TENM1: variants seen among roughly 807,000 people sequenced by gnomAD.
TENM1 encodes teneurin-1.
A neutral mutation model predicts 174.8 loss-of-function variants in TENM1; 35 were observed. That is an observed-to-expected ratio of 0.20 (90% CI 0.15 to 0.27). The LOEUF (loss-of-function observed/expected upper bound fraction) is 0.27. Among genes scored for constraint, TENM1 ranks in the 10% least tolerant of loss-of-function variants. The probability of loss-of-function intolerance (pLI) is 1.00; values close to 1 mark genes in which losing one functional copy is unlikely to be tolerated. For missense variants in TENM1, 1,633 were observed against 2,130.1 expected (o/e 0.77, Z 4.59); for synonymous variants, 781 against 798.7 (o/e 0.98, Z 0.37).
At chrX:124,802,241 AT>A (rs1352278576) in intron 3 of TENM1, among the ~76,000 whole-genome samples, 1 of 111,322 alleles carries the variant, frequency 9.0e-6, no homozygotes, top group African/African-American at 3.3e-5. Context: ...TCTCATCTTC[AT>A]GAGTTTGTCT....
At chrX:124,653,147 A>G (rs2148399030) in intron 7 of TENM1, among the ~76,000 whole-genome samples, 1 of 112,240 alleles carries the variant, frequency 8.9e-6, no homozygotes. Context: ...TAACAACAGT[A>G]AAGAAAAATT....
intron 22 of TENM1, among the ~76,000 whole-genome samples, chrX:124,463,785 C>T (rs2061207332): frequency 9.3e-6 from 1 of 107,638 alleles, no homozygotes; most frequent in African/African-American, 3.4e-5. Flanking sequence ...AACAGTGAAA[C>T]CAGACACTGA....
At chrX:124,406,845 C>T (rs760264723) in intron 25 of TENM1, among the ~76,000 whole-genome samples, 6 of 111,333 alleles carry the variant, frequency 5.4e-5, no homozygotes, top group Non-Finnish European at 9.4e-5. Context: ...TGATGGATTA[C>T]AAAACCCAGC....
At chrX:124,406,867 T>C (rs765215569) in intron 25 of TENM1, among the ~76,000 whole-genome samples, 1 of 111,432 alleles carries the variant, frequency 9.0e-6, no homozygotes, top group Non-Finnish European at 1.9e-5. Context: ...GAGGGTGCTG[T>C]TGTCAAAGCA....
intron 3 of TENM1, among the ~76,000 whole-genome samples, chrX:124,794,295 T>C (rs2055252154): frequency 9.0e-6 from 1 of 111,608 alleles, no homozygotes; most frequent in African/African-American, 3.3e-5. Context: ...CAGCCAAAAT[T>C]CAATAACAGT....
chrX:125,011,382 A>G, the TENM1 span, among the ~76,000 whole-genome samples: 3 of 112,089 alleles, frequency 2.7e-5, no homozygotes. Context: ...AACTATCATC[A>G]GAGTGAACAG....
At chrX:124,782,439 A>ACC (rs1438004246) in intron 3 of TENM1, among the ~76,000 whole-genome samples, 3 of 109,640 alleles carry the variant, frequency 2.7e-5, no homozygotes, top group African/African-American at 1.0e-4. Flanking sequence ...CTTGACTCTT[A>ACC]CCCCCCTCCC....
At chrX:125,053,153 T>G in the TENM1 span, among the ~76,000 whole-genome samples, 2 of 112,126 alleles carry the variant, frequency 1.8e-5, no homozygotes, top group Admixed American at 1.9e-4. Flanking sequence ...GTGCTCTAGT[T>G]TACTAAGGTC....
At chrX:124,476,936 C>G (rs190663842) in intron 22 of TENM1, among the ~76,000 whole-genome samples, 1 of 112,505 alleles carries the variant, frequency 8.9e-6, no homozygotes, top group Admixed American at 9.4e-5. Context: ...AACTTTTTTT[C>G]TTTGTCCCAT....
rs1191923577 is a variant in TENM1 at position 124,516,857 on chromosome X, A to G, written c.3301+3660T>C. ...TAAAGACATATGTACACAAATGTTC[A>G]TTGCAGCACTATTCACAATAGCAAA... On this transcript the variant is annotated intron_variant, in intron 18 of 31. Coordinates refer to ENST00000422452, the Ensembl canonical transcript of TENM1. Among the ~76,000 whole-genome samples the G allele has an allele frequency of 6.3e-5, 7 of 111,996 alleles. No individual in the cohort carries two copies. In the Admixed American group the frequency reaches 6.6e-4, roughly 11 times the overall value.
exon 32 of TENM1, chrX:124,376,116 T>C (rs770164520): frequency 2.7e-5 from 3 of 111,973 alleles, no homozygotes; most frequent in African/African-American, 9.7e-5. Flanking sequence ...ATCCAGTCAC[T>C]TTTCAGCACA....
At position 124,741,185 on chromosome X, in the gene TENM1, T is replaced by C. The variant is rs776652303; in HGVS notation, c.536-3988A>G. Among the ~76,000 whole-genome samples the C allele has an allele frequency of 1.1e-4, 12 of 111,793 alleles. No homozygotes were observed. In the Admixed American group the frequency reaches 1.1e-3, roughly 11 times the overall value. ...GAAGTATAAGCCTTCAGAAACAACA[T>C]TGCCTCTGTCTCCAAAAGGTAAGTG... On this transcript the variant is annotated intron_variant, in intron 3 of 31. Transcript: ENST00000422452.
chrX:124,929,054 T>A (rs903152211), intron 1 of TENM1, among the ~76,000 whole-genome samples: 3 of 112,060 alleles, frequency 2.7e-5, no homozygotes, highest in Non-Finnish European at 5.6e-5. Context: ...TTATGTTTTG[T>A]TTGTTTTTTG....
chrX:124,934,545 C>T (rs984960505), intron 1 of TENM1, among the ~76,000 whole-genome samples: 3 of 111,757 alleles, frequency 2.7e-5, no homozygotes, highest in Non-Finnish European at 3.8e-5. Flanking sequence ...GGATTATGTT[C>T]TCTCCTTTTG....
intron 23 of TENM1, among the ~76,000 whole-genome samples, chrX:124,445,454 A>G (rs2060955740): frequency 8.9e-6 from 1 of 112,153 alleles, no homozygotes. Context: ...CAATAGATGT[A>G]ATATATGAGG....
At chrX:124,652,480 C>T (rs1233189670) in intron 7 of TENM1, among the ~76,000 whole-genome samples, 3 of 110,776 alleles carry the variant, frequency 2.7e-5, no homozygotes, top group Non-Finnish European at 5.7e-5. Flanking sequence ...TATTATAAAC[C>T]TTTCAGTTTG....
At chrX:124,764,133 A>C (rs1274162033) in intron 3 of TENM1, among the ~76,000 whole-genome samples, 1 of 112,137 alleles carries the variant, frequency 8.9e-6, no homozygotes, top group Non-Finnish European at 1.9e-5. Context: ...TCCTCAAAGG[A>C]CAATATTTTC....
rs192074236 is a variant in TENM1, at chrX:124,609,260, G to A, written c.2077+32531C>T. Among the ~76,000 whole-genome samples, 159 of 111,747 alleles carry A rather than the reference G, an allele frequency of 1.4e-3. 1 individual carries two copies. Among genetic ancestry groups the A allele is most frequent in the African/African-American group, 5.0e-3 (155 of 30,806 alleles). On this transcript the variant is annotated intron_variant, in intron 11 of 31. Transcript: ENST00000422452. ...AATCGTTTACTATAAATGAAAAAAA[G>A]TTTAATCTGATAGGGTAGAAAATTA...
At chrX:124,399,594 C>A (rs945413826) in intron 27 of TENM1, among the ~76,000 whole-genome samples, 3 of 112,212 alleles carry the variant, frequency 2.7e-5, no homozygotes, top group Admixed American at 9.4e-5. Context: ...TATACCAAAT[C>A]ATTAATGCTC....
Sources: allele counts gnomAD v4.1 joint callset (sites outside exome capture counted in the v4.1 genomes callset), GRCh38; gene constraint gnomAD v4.1.1; transcripts MANE v1.5; gene names NCBI Gene and HGNC (gene_info 2026-07-23, HGNC 2026-07-21).